GSK3B: variants seen among roughly 807,000 people sequenced by gnomAD.
GSK3B encodes the protein glycogen synthase kinase 3 beta, also known as glycogen synthase kinase-3 beta.
GSK3B carries 15 observed loss-of-function variants against 56.4 expected under a neutral mutation model. That is an observed-to-expected ratio of 0.27 (90% CI 0.18 to 0.41). The LOEUF (loss-of-function observed/expected upper bound fraction) is 0.41. Ranked by LOEUF, GSK3B falls within the 10% of genes least tolerant of loss-of-function variation. The pLI is 1.00. For synonymous variants in GSK3B, 181 were observed against 188.9 expected, an observed-to-expected ratio of 0.96 and a Z score of 0.34; for missense variants, 300 against 513.4, an observed-to-expected ratio of 0.58 and a Z score of 4.02.
intron 5 of GSK3B, among the ~76,000 whole-genome samples, chr3:119,915,755 T>C (rs182306682): frequency 6.6e-6 from 1 of 152,292 alleles, no homozygotes; most frequent in Non-Finnish European, 1.5e-5. Context: ...TTCCTACTAA[T>C]GGATGCTTAT....
At chr3:119,994,822 T>C (rs531092393) in intron 2 of GSK3B, among the ~76,000 whole-genome samples, 35 of 152,300 alleles carry the variant, frequency 2.3e-4, no homozygotes, top group African/African-American at 8.2e-4. Flanking sequence ...CCCAGGATTT[T>C]CTTGTGCCAC....
intron 1 of GSK3B, among the ~76,000 whole-genome samples, chr3:120,036,538 A>C (rs2058024604): frequency 6.6e-6 from 1 of 152,184 alleles, no homozygotes; most frequent in Admixed American, 6.5e-5. Flanking sequence ...CATGCCTGTA[A>C]TCTCAGCACT....
At chr3:120,013,153 C>T (rs1353011017) in intron 1 of GSK3B, among the ~76,000 whole-genome samples, 9 of 152,134 alleles carry the variant, frequency 5.9e-5, no homozygotes, top group Admixed American at 3.9e-4. Flanking sequence ...ATCCACTCCA[C>T]GATGAATACG....
chr3:119,912,201 G>T (rs960266232), intron 6 of GSK3B, among the ~76,000 whole-genome samples: 2 of 152,278 alleles, frequency 1.3e-5, no homozygotes, highest in East Asian at 3.9e-4. Flanking sequence ...AGGATAGGAA[G>T]AGAGATGGGG....
intron 7 of GSK3B, among the ~76,000 whole-genome samples, chr3:119,890,753 A>G (rs1448101405): frequency 6.6e-6 from 1 of 151,690 alleles, no homozygotes; most frequent in African/African-American, 2.4e-5. Context: ...GTAAAAAAAA[A>G]AAAAAAAGGG....
chr3:119,891,103 A>C (rs1250705696), intron 7 of GSK3B, among the ~76,000 whole-genome samples: 1 of 151,932 alleles, frequency 6.6e-6, no homozygotes. Context: ...TGTGAGGTGA[A>C]AGTGCTACAC....
At chr3:119,903,601 T>A (rs931434436) in intron 7 of GSK3B, among the ~76,000 whole-genome samples, 5 of 152,134 alleles carry the variant, frequency 3.3e-5, no homozygotes, top group Non-Finnish European at 7.4e-5. Context: ...CAAAAAGTTG[T>A]ACAAACAAGC....
chr3:119,920,494 T>C (rs903295400), intron 4 of GSK3B, among the ~76,000 whole-genome samples: 1 of 152,176 alleles, frequency 6.6e-6, no homozygotes, highest in African/African-American at 2.4e-5. Flanking sequence ...TCTGCACACA[T>C]CAGCCTCCCA....
intron 7 of GSK3B, 122 bp from the exon 8 acceptor site, chr3:119,876,630 T>C: frequency 1.6e-6 from 1 of 641,484 alleles, no homozygotes; most frequent in South Asian, 1.9e-5. Flanking sequence ...ACGTAACTCA[T>C]TAAATAGAGC....
chr3:119,936,001 A>T (rs2107479579), intron 3 of GSK3B, among the ~76,000 whole-genome samples: 2 of 152,288 alleles, frequency 1.3e-5, no homozygotes, highest in Admixed American at 1.3e-4. Flanking sequence ...CATAATCAAT[A>T]GAGAAAAAGC....
At chr3:119,993,974 G>A (rs928419250) in intron 2 of GSK3B, among the ~76,000 whole-genome samples, 33 of 152,074 alleles carry the variant, frequency 2.2e-4, no homozygotes, top group Non-Finnish European at 1.0e-4. Flanking sequence ...CCACCTCCTG[G>A]GCCATTCTCT....
intron 1 of GSK3B, among the ~76,000 whole-genome samples, chr3:120,067,910 T>C (rs964160249): frequency 6.6e-6 from 1 of 152,238 alleles, no homozygotes; most frequent in Admixed American, 6.5e-5. Flanking sequence ...ACAAACCATG[T>C]TTTTAAGGGA....
At chr3:119,835,236 C>T (rs1342040689) in intron 10 of GSK3B, among the ~76,000 whole-genome samples, 1 of 152,214 alleles carries the variant, frequency 6.6e-6, no homozygotes, top group African/African-American at 2.4e-5. Context: ...CTTGTACTGA[C>T]AGTGGGGAGT....
chr3:119,869,272 A>G (rs768844864), intron 8 of GSK3B, among the ~76,000 whole-genome samples: 2 of 144,730 alleles, frequency 1.4e-5, no homozygotes, highest in Admixed American at 7.1e-5. Context: ...AGTCTTTCAC[A>G]TGCTTTGCTA....
rs79370565 is a variant in GSK3B, at chr3:119,920,336, T to C, written c.477+3037A>G. 6.4e-3 allele frequency among the ~76,000 whole-genome samples: 968 copies of C among 152,268 alleles called. 12 individuals are homozygous for C. The highest frequency in any genetic ancestry group is 0.02 in the African/African-American group (828 of 41,548). The stretch of plus-strand genomic sequence containing the variant: ...CTTACTGCAACCTCTGCTTCTCAGG[T>C]ACAAGTGATTCTCCTACCTCAGCCT... On this transcript the variant is annotated intron_variant, in intron 4 of 10. Coordinates refer to ENST00000264235, the MANE Select transcript of GSK3B (RefSeq NM_001146156.2).
intron 2 of GSK3B, among the ~76,000 whole-genome samples, chr3:119,960,120 A>G (rs2057256919): frequency 7.3e-6 from 1 of 136,398 alleles, no homozygotes; most frequent in South Asian, 2.5e-4. Context: ...ATGCAACAAC[A>G]TGGTTGCATC....
At chr3:119,942,270 T>C (rs1352099676) in intron 3 of GSK3B, among the ~76,000 whole-genome samples, 1 of 151,788 alleles carries the variant, frequency 6.6e-6, no homozygotes, top group Admixed American at 6.6e-5. Flanking sequence ...AATTTAAGGA[T>C]CTTGTGAAGA....
intron 8 of GSK3B, 84 bp from the exon 9 acceptor site, chr3:119,863,689 C>T (rs150500288): frequency 7.6e-4 from 615 of 804,988 alleles, no homozygotes; most frequent in African/African-American, 3.3e-3. Flanking sequence ...GACTTAATTC[C>T]CACCATGTAC....
intron 1 of GSK3B, among the ~76,000 whole-genome samples, chr3:120,004,400 C>T (rs1007836276): frequency 6.6e-6 from 1 of 152,222 alleles, no homozygotes; most frequent in Non-Finnish European, 1.5e-5. Context: ...CCTGACAGCT[C>T]TGAAGACAGC....
Sources: gnomAD v4.1 joint callset for allele counts (sites outside exome capture counted in the v4.1 genomes callset) on GRCh38, gnomAD v4.1.1 for gene constraint, MANE v1.5 for transcripts, NCBI Gene and HGNC (gene_info 2026-07-23, HGNC 2026-07-21) for gene names.